The following SLC35D1 variants were observed in gnomAD, a reference collection of about 807,000 sequenced individuals.
The protein encoded by SLC35D1 is nucleotide sugar transporter SLC35D1.
A neutral mutation model predicts 46.7 loss-of-function variants in SLC35D1; 31 were observed. That is an observed-to-expected ratio of 0.66 (90% CI 0.50 to 0.90). The LOEUF is 0.90. Among genes scored for constraint, SLC35D1 ranks in the 40% least tolerant of loss-of-function variants. The pLI, the probability that SLC35D1 is intolerant of heterozygous loss-of-function variation, is 0.00. For synonymous variants in SLC35D1, 195 were observed against 164.6 expected (o/e 1.18, Z -1.41); for missense variants, 397 against 426.2 (o/e 0.93, Z 0.60).
chr1:66,976,692 A>G, the SLC35D1 span: 46 of 1,606,554 alleles, frequency 2.9e-5, no homozygotes, highest in Non-Finnish European at 3.9e-5. Flanking sequence ...CGATTTGGAA[A>G]GAAGAAATAT....
intron 8 of SLC35D1, among the ~76,000 whole-genome samples, chr1:67,034,817 T>C (rs1290598316): frequency 6.6e-6 from 1 of 152,194 alleles, no homozygotes; most frequent in Non-Finnish European, 1.5e-5. Flanking sequence ...CCCATTCATC[T>C]GTCATATATT....
chr1:67,044,936 C>T (rs1570641693), intron 7 of SLC35D1, among the ~76,000 whole-genome samples: 2 of 152,222 alleles, frequency 1.3e-5, no homozygotes, highest in Non-Finnish European at 2.9e-5. Context: ...TCAGCATGGC[C>T]GTACTGCCTT....
intron 8 of SLC35D1, among the ~76,000 whole-genome samples, chr1:67,026,655 T>C (rs564981932): frequency 4.6e-5 from 7 of 152,330 alleles, no homozygotes; most frequent in African/African-American, 9.6e-5. Flanking sequence ...AATAGCCCTA[T>C]TATTAATTAA....
intron 8 of SLC35D1, among the ~76,000 whole-genome samples, chr1:67,039,516 TGTGTGC>T (rs1173606391): frequency 2.1e-5 from 3 of 143,676 alleles, no homozygotes; most frequent in African/African-American, 8.4e-5. Flanking sequence ...TGTGTGTGTG[TGTGTGC>T]GCGCGTGGGG....
intron 8 of SLC35D1, among the ~76,000 whole-genome samples, chr1:67,032,833 G>A (rs1570629998): frequency 6.6e-6 from 1 of 152,150 alleles, no homozygotes; most frequent in East Asian, 1.9e-4. Context: ...CCAAATACTA[G>A]TTCTTATTCA....
downstream of SLC35D1, among the ~76,000 whole-genome samples, chr1:66,997,569 GTA>G (rs1294058794): frequency 8.2e-6 from 1 of 121,820 alleles, no homozygotes; most frequent in African/African-American, 3.0e-5. Context: ...ATCTGTGTGT[GTA>G]TATATATACA....
chr1:66,980,210 T>C, the SLC35D1 span, among the ~76,000 whole-genome samples: 2 of 152,214 alleles, frequency 1.3e-5, no homozygotes, highest in South Asian at 4.1e-4. Flanking sequence ...TGCTTCAAAT[T>C]TGTTATGTAA....
chr1:67,049,091 G>A (rs920855823), intron 6 of SLC35D1, among the ~76,000 whole-genome samples: 10 of 152,246 alleles, frequency 6.6e-5, no homozygotes, highest in East Asian at 5.8e-4. Flanking sequence ...TCAGGAGATC[G>A]AGACCATCCT....
chr1:67,026,295 T>C lies in SLC35D1; in HGVS notation c.730-4693A>G, dbSNP rs148345398. ...TAGTTCTACTATATTCTTGTTAATA[T>C]GGTAAACTGCACTGATCGATTTTCA... On this transcript the variant is annotated intron_variant, in intron 8 of 11. Transcript: ENST00000235345. 5.3e-3 allele frequency among the ~76,000 whole-genome samples: 812 copies of C among 152,308 alleles called. 5 individuals are homozygous for C. Among genetic ancestry groups the C allele is most frequent in the African/African-American group, 0.018 (763 of 41,576 alleles).
the SLC35D1 span, chr1:66,987,374 A>C: frequency 6.6e-6 from 1 of 152,650 alleles, no homozygotes; most frequent in Non-Finnish European, 1.5e-5. Context: ...GTTAATAGTG[A>C]TTTAGTCTCC....
chr1:66,981,929 A>G, the SLC35D1 span: 3 of 1,612,488 alleles, frequency 1.9e-6, no homozygotes, highest in Admixed American at 5.0e-5. Context: ...GTAAGCAACC[A>G]GAGAAACATT....
At chr1:67,041,488 A>G (rs960448884) in intron 8 of SLC35D1, among the ~76,000 whole-genome samples, 6 of 152,282 alleles carry the variant, frequency 3.9e-5, no homozygotes, top group African/African-American at 1.2e-4. Context: ...TGACCAACAT[A>G]CTTATTCTGA....
the SLC35D1 span, among the ~76,000 whole-genome samples, chr1:66,981,132 TGA>T: frequency 1.3e-5 from 2 of 152,206 alleles, no homozygotes; most frequent in African/African-American, 4.8e-5. Context: ...ACACTAAACC[TGA>T]GAGAGACAAA....
chr1:67,020,458 GAA>G lies in SLC35D1; in HGVS notation c.798-13_798-12del. ...TACATTAAGATAAACCTAGAATGAA[GAA>G]AGAGGTATAAAATCCAGTTTCTCAC... On this transcript the variant is annotated splice_polypyrimidine_tract_variant and intron_variant, in intron 9 of 11. Transcript: ENST00000235345. 1.3e-6 allele frequency: 2 copies of G among 1,579,972 alleles called. No individual in the cohort carries two copies. Among genetic ancestry groups the G allele is most frequent in the Middle Eastern group, 1.7e-4 (1 of 5,980 alleles).
At chr1:66,986,454 CCAA>C in the SLC35D1 span, 1 of 1,610,280 alleles carries the variant, frequency 6.2e-7, no homozygotes, top group East Asian at 2.2e-5. Flanking sequence ...AGTTCAAGAG[CCAA>C]TGCCTTTTTA....
chr1:67,032,952 A>T (rs1668047452), intron 8 of SLC35D1, among the ~76,000 whole-genome samples: 1 of 152,044 alleles, frequency 6.6e-6, no homozygotes, highest in South Asian at 2.1e-4. Context: ...CATCAGATCA[A>T]TTGTTTTAAT....
chr1:66,999,236 C>G (rs759980014), downstream of SLC35D1: 4 of 152,234 alleles, frequency 2.6e-5, no homozygotes, highest in Non-Finnish European at 5.9e-5. Flanking sequence ...ACATACTATT[C>G]ATAAAAGCAT....
At chr1:67,038,973 G>A (rs1366942379) in intron 8 of SLC35D1, among the ~76,000 whole-genome samples, 1 of 151,688 alleles carries the variant, frequency 6.6e-6, no homozygotes, top group Non-Finnish European at 1.5e-5. Context: ...AATATATTTC[G>A]TTTTTTTCAT....
chr1:66,995,433 T>TAAAAAA (rs541234514), downstream of SLC35D1, among the ~76,000 whole-genome samples: 17 of 35,802 alleles, frequency 4.7e-4, 1 homozygote, highest in Non-Finnish European at 7.1e-4. Context: ...CCTGCTACGC[T>TAAAAAA]AAAAAAAAAA....
Sources: gnomAD v4.1 joint callset for allele counts (sites outside exome capture counted in the v4.1 genomes callset) on GRCh38, gnomAD v4.1.1 for gene constraint, MANE v1.5 for transcripts, NCBI Gene and HGNC (gene_info 2026-07-23, HGNC 2026-07-21) for gene names.